DAB1: variants seen among roughly 807,000 people sequenced by gnomAD.
DAB1 encodes the protein disabled homolog 1.
In DAB1, 15 loss-of-function variants were observed where a neutral mutation model predicts 64.6. The observed-to-expected ratio is 0.23, with a 90% CI of 0.16 to 0.36. The LOEUF is 0.36. Among genes scored for constraint, DAB1 ranks in the 10% least tolerant of loss-of-function variants. The pLI, the probability that DAB1 is intolerant of heterozygous loss-of-function variation, is 1.00. For missense variants in DAB1, 596 were observed against 706.7 expected, an observed-to-expected ratio of 0.84 and a Z score of 1.78; for synonymous variants, 235 against 251.9, an observed-to-expected ratio of 0.93 and a Z score of 0.64.
At chr1:57,087,181 C>T (rs555562561) in intron 4 of DAB1, among the ~76,000 whole-genome samples, 97 of 152,302 alleles carry the variant, frequency 6.4e-4, no homozygotes, top group African/African-American at 2.3e-3. Context: ...AGGCACAGGG[C>T]ATAGAAAACA....
chr1:57,348,157 T>C (rs1314331380), intron 1 of DAB1, among the ~76,000 whole-genome samples: 4 of 152,270 alleles, frequency 2.6e-5, no homozygotes, highest in Non-Finnish European at 5.9e-5. Context: ...ATTCAAAACT[T>C]GCCGAGTGTT....
chr1:57,169,466 A>G (rs1661522266), intron 2 of DAB1, among the ~76,000 whole-genome samples: 1 of 152,236 alleles, frequency 6.6e-6, no homozygotes. Flanking sequence ...TACATAGCCA[A>G]CGGGAATTTA....
chr1:58,463,771 C>T (rs1006240658), intron 3 of DAB1, among the ~76,000 whole-genome samples: 1 of 152,132 alleles, frequency 6.6e-6, no homozygotes, highest in Admixed American at 6.6e-5. Context: ...CCATGTGGAC[C>T]CACCTGTGTG....
intron 7 of DAB1, among the ~76,000 whole-genome samples, chr1:57,433,323 C>T (rs1205035640): frequency 1.3e-5 from 2 of 152,012 alleles, no homozygotes; most frequent in Admixed American, 6.6e-5. Flanking sequence ...TACTAGAAAG[C>T]TCTAGTAATC....
At chr1:57,744,050 C>A (rs578090472) in intron 6 of DAB1, among the ~76,000 whole-genome samples, 2 of 152,298 alleles carry the variant, frequency 1.3e-5, no homozygotes, top group South Asian at 2.1e-4. Context: ...AAACCCACAA[C>A]CTTCCAGCTT....
chr1:58,186,590 A>G (rs926982140), intron 4 of DAB1, among the ~76,000 whole-genome samples: 7 of 152,216 alleles, frequency 4.6e-5, no homozygotes, highest in African/African-American at 1.7e-4. Context: ...TTAATTCTCA[A>G]AACAACTCTG....
At chr1:57,300,755 C>T (rs1000434524) in intron 1 of DAB1, among the ~76,000 whole-genome samples, 5 of 152,154 alleles carry the variant, frequency 3.3e-5, no homozygotes, top group East Asian at 1.9e-4. Flanking sequence ...CTCTACAATG[C>T]GTAAGATTAT....
intron 5 of DAB1, among the ~76,000 whole-genome samples, chr1:58,067,430 G>T (rs1305550236): frequency 6.6e-6 from 1 of 152,188 alleles, no homozygotes; most frequent in Non-Finnish European, 1.5e-5. Context: ...CAAACAATGA[G>T]ATCTCCTTAC....
At chr1:57,829,784 C>T (rs971350727) in intron 1 of DAB1, among the ~76,000 whole-genome samples, 6 of 152,152 alleles carry the variant, frequency 3.9e-5, no homozygotes, top group Admixed American at 6.5e-5. Flanking sequence ...CTTTAAAGTA[C>T]GACTACAGCC....
chr1:58,410,957 T>C (rs908353011), intron 3 of DAB1, among the ~76,000 whole-genome samples: 1 of 152,166 alleles, frequency 6.6e-6, no homozygotes, highest in Non-Finnish European at 1.5e-5. Context: ...TCTTTATTGC[T>C]CAAAAGCCTT....
At chr1:57,863,837 T>C (rs953560184) in intron 1 of DAB1, among the ~76,000 whole-genome samples, 1 of 152,300 alleles carries the variant, frequency 6.6e-6, no homozygotes, top group South Asian at 2.1e-4. Flanking sequence ...GAAGTTAATA[T>C]AGGGCCTGGA....
chr1:57,643,324 T>G (rs757645724), intron 7 of DAB1, among the ~76,000 whole-genome samples: 4 of 152,206 alleles, frequency 2.6e-5, no homozygotes, highest in Admixed American at 6.5e-5. Context: ...ATATGATTCA[T>G]TCACACAGTT....
chr1:58,391,686 C>T (rs1293458737), intron 3 of DAB1, among the ~76,000 whole-genome samples: 1 of 152,156 alleles, frequency 6.6e-6, no homozygotes, highest in Non-Finnish European at 1.5e-5. Flanking sequence ...TGACCTAGTT[C>T]CTATGTCTTC....
rs568135002 is a variant in DAB1, at chr1:57,286,952, AAT to A, written c.67+4010_67+4011del. Among the ~76,000 whole-genome samples the A allele has an allele frequency of 3.4e-3, 521 of 152,362 alleles. 2 individuals carry two copies. The highest frequency in any genetic ancestry group is 0.012 in the African/African-American group (499 of 41,592). On this transcript the variant is annotated intron_variant, in intron 2 of 14. Coordinates refer to ENST00000371236, the MANE Select transcript of DAB1 (RefSeq NM_001365792.1). The stretch of plus-strand genomic sequence containing the variant: ...CCACAGTATAAATTATAAGAGGAAA[AAT>A]ATGTATAATCATTGAAATAAATACA...
chr1:58,266,065 A>G (rs1313451252), intron 4 of DAB1, among the ~76,000 whole-genome samples: 1 of 152,094 alleles, frequency 6.6e-6, no homozygotes, highest in Non-Finnish European at 1.5e-5. Flanking sequence ...CACAGAGAAG[A>G]GAATCCAGTA....
intron 6 of DAB1, among the ~76,000 whole-genome samples, chr1:57,726,684 T>C (rs2101766614): frequency 6.6e-6 from 1 of 152,364 alleles, no homozygotes; most frequent in East Asian, 1.9e-4. Flanking sequence ...CCTTAATTTC[T>C]ATTCTTATTA....
chr1:58,511,428 G>T (rs557965977), intron 2 of DAB1, among the ~76,000 whole-genome samples: 2 of 152,182 alleles, frequency 1.3e-5, no homozygotes, highest in Admixed American at 1.3e-4. Context: ...CACATGGATT[G>T]CTTGAGACCA....
chr1:58,193,887 A>G (rs1247606958), intron 4 of DAB1, among the ~76,000 whole-genome samples: 4 of 152,136 alleles, frequency 2.6e-5, no homozygotes, highest in Non-Finnish European at 4.4e-5. Context: ...ACAAAGAAAA[A>G]CAGAGTTACA....
chr1:58,543,484 T>C (rs570928666), intron 1 of DAB1, among the ~76,000 whole-genome samples: 1 of 152,314 alleles, frequency 6.6e-6, no homozygotes, highest in South Asian at 2.1e-4. Context: ...TTTCCTGGGC[T>C]CTGTGGTCTT....
Sources: allele counts gnomAD v4.1 joint callset (sites outside exome capture counted in the v4.1 genomes callset), GRCh38; gene constraint gnomAD v4.1.1; transcripts MANE v1.5; gene names NCBI Gene and HGNC (gene_info 2026-07-23, HGNC 2026-07-21).